The following MACROD2 variants were observed in gnomAD, a reference collection of about 807,000 sequenced individuals.
The protein encoded by MACROD2 is ADP-ribose glycohydrolase MACROD2.
Under a neutral mutation model 70.4 loss-of-function variants are expected in MACROD2, and 36 were observed. The observed-to-expected ratio is 0.51, with a 90% CI of 0.39 to 0.68. The LOEUF (loss-of-function observed/expected upper bound fraction) is 0.68. Among genes scored for constraint, MACROD2 ranks in the 30% least tolerant of loss-of-function variants. The probability of loss-of-function intolerance (pLI) is 0.00; values close to 1 mark genes in which losing one functional copy is unlikely to be tolerated. For synonymous variants in MACROD2, 172 were observed against 178.8 expected (o/e 0.96, Z 0.30); for missense variants, 496 against 538.4 (o/e 0.92, Z 0.78).
At chr20:14,263,972 AACACACAC>A (rs71190124) in intron 3 of MACROD2, among the ~76,000 whole-genome samples, 15,848 of 126,766 alleles carry the variant, frequency 0.13, 1,068 homozygotes, top group Admixed American at 0.17. Context: ...ACCCTATCTA[AACACACAC>A]ACACACACAC....
At chr20:14,643,600 A>AT (rs1255793124) in intron 4 of MACROD2, among the ~76,000 whole-genome samples, 5 of 152,222 alleles carry the variant, frequency 3.3e-5, no homozygotes, top group Non-Finnish European at 7.3e-5. Flanking sequence ...ACTTTGTGTC[A>AT]TACCATTCAT....
chr20:15,413,366 C>G (rs1212890486), intron 6 of MACROD2, among the ~76,000 whole-genome samples: 1 of 152,168 alleles, frequency 6.6e-6, no homozygotes, highest in Non-Finnish European at 1.5e-5. Context: ...AACATTAACT[C>G]TGGTATTTTA....
At chr20:15,081,865 A>G (rs1736029421) in intron 5 of MACROD2, among the ~76,000 whole-genome samples, 1 of 152,186 alleles carries the variant, frequency 6.6e-6, no homozygotes, top group South Asian at 2.1e-4. Context: ...AACCATCTGT[A>G]TCTTGGATAG....
chr20:14,362,289 T>G (rs1198602730), intron 3 of MACROD2, among the ~76,000 whole-genome samples: 1 of 152,168 alleles, frequency 6.6e-6, no homozygotes, highest in African/African-American at 2.4e-5. Flanking sequence ...CTTTTATAGA[T>G]GAGAAAACAG....
At chr20:15,115,713 A>T (rs961229737) in intron 5 of MACROD2, among the ~76,000 whole-genome samples, 1 of 152,176 alleles carries the variant, frequency 6.6e-6, no homozygotes, top group Non-Finnish European at 1.5e-5. Context: ...TAAAGACCAC[A>T]GTTTTTGGTT....
intron 8 of MACROD2, among the ~76,000 whole-genome samples, chr20:15,632,172 AAAAT>A (rs1568940921): frequency 6.6e-6 from 1 of 151,722 alleles, no homozygotes; most frequent in Non-Finnish European, 1.5e-5. Context: ...ACTCAAAAAA[AAAAT>A]AAATAAATAA....
chr20:14,495,995 CG>C (rs1393639851), intron 4 of MACROD2, among the ~76,000 whole-genome samples: 1 of 152,080 alleles, frequency 6.6e-6, no homozygotes, highest in African/African-American at 2.4e-5. Flanking sequence ...CTCTAAAACA[CG>C]TGTCTGATTT....
intron 3 of MACROD2, among the ~76,000 whole-genome samples, chr20:14,422,303 T>C (rs776365262): frequency 3.3e-5 from 5 of 152,206 alleles, no homozygotes; most frequent in Admixed American, 1.3e-4. Flanking sequence ...TTTGTGTCTT[T>C]AGATCTAAAT....
intron 3 of MACROD2, among the ~76,000 whole-genome samples, chr20:14,217,889 T>C (rs1247163945): frequency 6.6e-6 from 1 of 152,126 alleles, no homozygotes; most frequent in Non-Finnish European, 1.5e-5. Flanking sequence ...GTTATTTGGA[T>C]TTTCTCTCTT....
intron 5 of MACROD2, among the ~76,000 whole-genome samples, chr20:15,102,193 C>T (rs535136301): frequency 1.3e-5 from 2 of 151,990 alleles, no homozygotes; most frequent in South Asian, 4.2e-4. Flanking sequence ...AAAATCCTAA[C>T]AGCTCACAAA....
intron 4 of MACROD2, among the ~76,000 whole-genome samples, chr20:14,578,736 A>G (rs1320613150): frequency 1.3e-5 from 2 of 152,330 alleles, no homozygotes; most frequent in African/African-American, 4.8e-5. Flanking sequence ...TGAATGTATT[A>G]CTTCTGAATA....
chr20:14,868,788 G>A (rs148710858), intron 5 of MACROD2, among the ~76,000 whole-genome samples: 89 of 152,258 alleles, frequency 5.8e-4, no homozygotes, highest in Middle Eastern at 3.4e-3. Flanking sequence ...CAGGCAGTGT[G>A]TGGGTGGTAT....
intron 3 of MACROD2, among the ~76,000 whole-genome samples, chr20:14,341,868 C>T (rs1427405334): frequency 1.3e-5 from 2 of 152,170 alleles, no homozygotes; most frequent in African/African-American, 2.4e-5. Flanking sequence ...TACAGTTTCT[C>T]TCTGGCTCTC....
In MACROD2 at chr20:15,228,619, A is replaced by T. The variant is rs181853257; in HGVS notation, c.419-1321A>T. On this transcript the variant is annotated intron_variant, in intron 5 of 17. Transcript: ENST00000684519. The stretch of plus-strand genomic sequence containing the variant: ...ATTCTCCTGCCTCAGTCTCCCGAGT[A>T]GCTGGGACTACAGGCACACACCACC... 1.5e-3 allele frequency among the ~76,000 whole-genome samples: 225 copies of T among 150,900 alleles called. 1 individual carries two copies. The highest frequency in any genetic ancestry group is 5.4e-3 in the African/African-American group (220 of 41,028).
intron 4 of MACROD2, among the ~76,000 whole-genome samples, chr20:14,599,502 C>G (rs960256014): frequency 6.6e-6 from 1 of 152,114 alleles, no homozygotes; most frequent in Non-Finnish European, 1.5e-5. Context: ...TGTAATACTC[C>G]TGTTTGGCTG....
At chr20:15,525,325 C>T (rs535448586) in intron 8 of MACROD2, among the ~76,000 whole-genome samples, 9 of 152,288 alleles carry the variant, frequency 5.9e-5, no homozygotes, top group East Asian at 1.9e-4. Context: ...ATTTTTTCTT[C>T]GGTTCCCTAC....
intron 5 of MACROD2, among the ~76,000 whole-genome samples, chr20:14,923,089 C>G (rs1304131032): frequency 6.6e-6 from 1 of 152,130 alleles, no homozygotes. Flanking sequence ...CAATTCTCTC[C>G]AGACACAGTT....
intron 3 of MACROD2, among the ~76,000 whole-genome samples, chr20:14,142,893 T>C (rs564445433): frequency 1.3e-5 from 2 of 152,336 alleles, no homozygotes; most frequent in African/African-American, 4.8e-5. Context: ...GAGATACTTA[T>C]GTCTATGTAG....
At chr20:15,973,859 T>C (rs2066266847) in intron 13 of MACROD2, among the ~76,000 whole-genome samples, 1 of 152,200 alleles carries the variant, frequency 6.6e-6, no homozygotes, top group South Asian at 2.1e-4. Flanking sequence ...TTATTTGATA[T>C]TGATAACAAT....
Sources: gnomAD v4.1 joint callset for allele counts (sites outside exome capture counted in the v4.1 genomes callset) on GRCh38, gnomAD v4.1.1 for gene constraint, MANE v1.5 for transcripts, NCBI Gene and HGNC (gene_info 2026-07-23, HGNC 2026-07-21) for gene names.